Variants in CFAP54 observed in about 807,000 individuals in gnomAD.
CFAP54 encodes the protein cilia and flagella associated protein 54, also known as cilia- and flagella-associated protein 54.
Under a neutral mutation model 370.4 loss-of-function variants are expected in CFAP54, and 290 were observed. The ratio of observed to expected loss-of-function variants is 0.78; its 90% CI spans 0.71 to 0.86. The LOEUF is 0.86. CFAP54 is among the 40% of genes least tolerant of loss of function. The pLI, the probability that CFAP54 is intolerant of heterozygous loss-of-function variation, is 0.00. For missense variants in CFAP54, 3,399 were observed against 3,528.7 expected, an observed-to-expected ratio of 0.96 and a Z score of 0.93; for synonymous variants, 1,206 against 1,236.5, an observed-to-expected ratio of 0.98 and a Z score of 0.52.
rs12231205 is a variant in CFAP54, at chr12:96,621,678, C to G, written c.3728C>G (p.Ser1243Cys). Residue 1243 changes from serine (S) to cysteine (C), a missense_variant, in exon 27 of 68, where the codon TCT becomes TGT. By Grantham distance (112) the Ser-to-Cys change is moderately radical. Coordinates refer to ENST00000524981, the MANE Select transcript of CFAP54 (RefSeq NM_001306084.2). ...TTGGACATCACACCAGGATGCAAGT[C>G]TCTGTTTGATGGTAGTAATGAACAA... ...KMLDITPGCK[S>C]LFDGSNEQEE... is the part of the protein sequence containing the mutation. 9 of 1,528,806 alleles carry G rather than the reference C, an allele frequency of 5.9e-6. No individual in the cohort carries two copies. Among genetic ancestry groups the G allele is most frequent in the Non-Finnish European group, 7.9e-6 (9 of 1,142,762 alleles). 94.7% of individuals were successfully genotyped at this position (1,528,806 alleles called of 1,614,324 possible).
intron 60 of CFAP54, among the ~76,000 whole-genome samples, chr12:96,765,434 A>G (rs936467857): frequency 2.0e-5 from 3 of 152,088 alleles, no homozygotes; most frequent in African/African-American, 4.8e-5. Flanking sequence ...TGCATTTCAG[A>G]TGCATGTTCT....
intron 50 of CFAP54, 52 bp downstream of exon 50, chr12:96,720,617 C>G: frequency 7.9e-7 from 1 of 1,270,392 alleles, no homozygotes; most frequent in East Asian, 3.1e-5. Context: ...AGTTCCTTCA[C>G]CCTAGTTTAT....
At chr12:96,737,322 T>A (rs914254203) in intron 50 of CFAP54, among the ~76,000 whole-genome samples, 8 of 152,084 alleles carry the variant, frequency 5.3e-5, no homozygotes, top group Non-Finnish European at 1.0e-4. Context: ...TCACAGGAAG[T>A]GCTTAATATA....
chr12:96,532,803 T>C (rs1955454068), intron 9 of CFAP54, among the ~76,000 whole-genome samples: 1 of 152,120 alleles, frequency 6.6e-6, no homozygotes, highest in African/African-American at 2.4e-5. Flanking sequence ...GTATTTTTTG[T>C]AGAGGTGGGG....
chr12:96,770,632 A>G (rs1348593287), intron 60 of CFAP54, among the ~76,000 whole-genome samples: 1 of 152,246 alleles, frequency 6.6e-6, no homozygotes, highest in African/African-American at 2.4e-5. Flanking sequence ...CAAGATTCAC[A>G]CGACAGCAGA....
intron 42 of CFAP54, among the ~76,000 whole-genome samples, chr12:96,687,060 G>T (rs549682048): frequency 2.0e-5 from 3 of 152,028 alleles, no homozygotes; most frequent in Admixed American, 6.6e-5. Context: ...TTGGCGCATG[G>T]CCCCACCTTC....
At chr12:96,591,555 A>G (rs931902134) in intron 23 of CFAP54, among the ~76,000 whole-genome samples, 2 of 152,090 alleles carry the variant, frequency 1.3e-5, no homozygotes, top group Non-Finnish European at 2.9e-5. Context: ...AGCCTGGAGG[A>G]CATAAGAGCT....
intron 9 of CFAP54, among the ~76,000 whole-genome samples, chr12:96,529,446 T>C (rs1592834016): frequency 6.6e-6 from 1 of 152,306 alleles, no homozygotes; most frequent in South Asian, 2.1e-4. Flanking sequence ...TTTTACAAAG[T>C]GGTTTTTTTT....
At position 96,817,826 on chromosome 12, in the gene CFAP54, A is replaced by G. The variant is rs1012016145; in HGVS notation, c.9009A>G (p.Leu3003=). 4 of 1,517,236 alleles carry G rather than the reference A, an allele frequency of 2.6e-6. No individual in the cohort carries two copies. Among genetic ancestry groups the G allele is most frequent in the Non-Finnish European group, 1.8e-6 (2 of 1,136,036 alleles). 94.0% of individuals were successfully genotyped at this position (1,517,236 alleles called of 1,614,324 possible). A position where few individuals can be genotyped will look rare whatever the true frequency, so the allele number is the denominator to read the frequency against. ...KLSNLAQIAE[L]SLPAAPEITS... ...CTAATCTTGCTCAAATAGCTGAACT[A>G]TCATTGCCAGCAGCTCCTGAAATTA... is the stretch of plus-strand genomic sequence containing the variant. Residue 3003 remains leucine, a synonymous_variant, in exon 65 of 68, where the codon CTA becomes CTG. Transcript: ENST00000524981.
intron 22 of CFAP54, among the ~76,000 whole-genome samples, chr12:96,583,821 G>A (rs990299389): frequency 6.6e-6 from 1 of 152,140 alleles, no homozygotes; most frequent in Non-Finnish European, 1.5e-5. Flanking sequence ...GTCTCCTAGA[G>A]CCTGCATCTC....
At chr12:96,519,159 T>A in intron 6 of CFAP54, 88 bp downstream of exon 6, 2 of 1,323,262 alleles carry the variant, frequency 1.5e-6, no homozygotes, top group Non-Finnish European at 2.0e-6. Flanking sequence ...AGTGCAGTGA[T>A]GTGATCTCGG....
intron 39 of CFAP54, among the ~76,000 whole-genome samples, chr12:96,675,959 G>T (rs1400182589): frequency 2.6e-5 from 4 of 151,956 alleles, no homozygotes; most frequent in East Asian, 3.9e-4. Context: ...GCAGGGGAGG[G>T]ATAGCATTAG....
At chr12:96,732,740 G>A (rs1315623378) in intron 50 of CFAP54, among the ~76,000 whole-genome samples, 1 of 152,114 alleles carries the variant, frequency 6.6e-6, no homozygotes, top group Non-Finnish European at 1.5e-5. Context: ...CATATGTATA[G>A]CTATCTTTAA....
At position 96,637,057 on chromosome 12, in the gene CFAP54, C is replaced by T. The variant is rs77722965; in HGVS notation, c.4316+6406C>T. On this transcript the variant is annotated intron_variant, in intron 32 of 67. Transcript: ENST00000524981. ...TTAACTATCACTCCCTCACATCCAA[C>T]TCCTTTCCCTCAGCTTGAGGCAACC... Among the ~76,000 whole-genome samples, 903 of 152,294 alleles carry T rather than the reference C, an allele frequency of 5.9e-3. 6 individuals are homozygous for T. Among genetic ancestry groups the T allele is most frequent in the African/African-American group, 0.02 (834 of 41,556 alleles).
chr12:96,615,007 A>C (rs1956399781), intron 26 of CFAP54, among the ~76,000 whole-genome samples: 2 of 152,222 alleles, frequency 1.3e-5, no homozygotes, highest in South Asian at 4.1e-4. Flanking sequence ...TTGGAAAAAA[A>C]CTACTTTAAA....
intron 55 of CFAP54, among the ~76,000 whole-genome samples, chr12:96,750,762 C>T (rs1958173037): frequency 6.6e-6 from 1 of 152,198 alleles, no homozygotes; most frequent in Admixed American, 6.5e-5. Flanking sequence ...AATACTGTTG[C>T]CGTGTTTTAG....
chr12:96,869,312 A>G (rs1204593129), intron 67 of CFAP54, among the ~76,000 whole-genome samples: 2 of 152,224 alleles, frequency 1.3e-5, no homozygotes, highest in African/African-American at 2.4e-5. Context: ...AAAACACACC[A>G]AAACGGCTAT....
chr12:96,776,403 A>T (rs1274679722), intron 60 of CFAP54, among the ~76,000 whole-genome samples: 1 of 152,150 alleles, frequency 6.6e-6, no homozygotes, highest in Non-Finnish European at 1.5e-5. Context: ...TTATTAATTA[A>T]TTTAAAAAGA....
intron 50 of CFAP54, among the ~76,000 whole-genome samples, chr12:96,736,125 G>A (rs1005612879): frequency 6.6e-6 from 1 of 152,184 alleles, no homozygotes; most frequent in Non-Finnish European, 1.5e-5. Flanking sequence ...TCTGATTCAT[G>A]TGAATACAAA....
Sources: allele counts gnomAD v4.1 joint callset (sites outside exome capture counted in the v4.1 genomes callset), GRCh38; gene constraint gnomAD v4.1.1; transcripts MANE v1.5; gene names NCBI Gene and HGNC (gene_info 2026-07-23, HGNC 2026-07-21).